Variants in CCNJL observed in about 807,000 individuals in gnomAD.
CCNJL encodes cyclin-J-like protein.
Under a neutral mutation model 33.4 loss-of-function variants are expected in CCNJL, and 33 were observed. That is an observed-to-expected ratio of 0.99 (90% CI 0.75 to 1.32). CCNJL has a LOEUF of 1.32. CCNJL is among the 40% of genes most tolerant of loss of function. CCNJL has a pLI of 0.00. For missense variants in CCNJL, 512 were observed against 499.7 expected, an observed-to-expected ratio of 1.02 and a Z score of -0.23; for synonymous variants, 227 against 220.9, an observed-to-expected ratio of 1.03 and a Z score of -0.24.
intron 3 of CCNJL, among the ~76,000 whole-genome samples, chr5:160,279,738 A>T (rs544976761): frequency 1.4e-4 from 21 of 152,344 alleles, no homozygotes; most frequent in African/African-American, 5.1e-4. Flanking sequence ...GGGCTTGGCC[A>T]GTGTGGCTGG....
At chr5:160,295,502 A>G (rs867870511) in intron 2 of CCNJL, among the ~76,000 whole-genome samples, 4 of 152,170 alleles carry the variant, frequency 2.6e-5, no homozygotes, top group South Asian at 2.1e-4. Context: ...AAATAAATAA[A>G]TAAGAAAATA....
At chr5:160,303,563 G>A (rs1762992510) in intron 2 of CCNJL, among the ~76,000 whole-genome samples, 2 of 151,380 alleles carry the variant, frequency 1.3e-5, no homozygotes, top group Admixed American at 1.3e-4. Flanking sequence ...GTATTGTGAT[G>A]ACACACACAG....
In CCNJL at chr5:160,253,549, G is replaced by A. The variant is rs1171351861; in HGVS notation, c.993C>T (p.His331=). Residue 331 remains histidine, a synonymous_variant, in exon 6 of 6, where the codon CAC becomes CAT. Coordinates refer to ENST00000257536, the MANE Select transcript of CCNJL (RefSeq NM_001308173.3). ...LLSGSTGSSL[H]TPYQPLQPLD... ...AGGGCTGCAGCGGTTGGTACGGGGT[G>A]TGGAGGGATGAGCCTGTACTCCCCG... The A allele has an allele frequency of 1.2e-6, 2 of 1,614,208 alleles. No homozygotes were observed. The highest frequency in any genetic ancestry group is 1.7e-6 in the Non-Finnish European group (2 of 1,180,022).
At chr5:160,293,184 C>T (rs907767742) in intron 2 of CCNJL, among the ~76,000 whole-genome samples, 1 of 152,126 alleles carries the variant, frequency 6.6e-6, no homozygotes, top group African/African-American at 2.4e-5. Flanking sequence ...TTTGGGAGGC[C>T]GAGGCAGGCA....
chr5:160,316,595 G>T (rs1466748429), upstream of CCNJL, among the ~76,000 whole-genome samples: 1 of 152,188 alleles, frequency 6.6e-6, no homozygotes, highest in African/African-American at 2.4e-5. Flanking sequence ...CCCAGGCCTT[G>T]TTCTCCTCCT....
At chr5:160,325,508 A>T (rs569253330) in intron 1 of CCNJL, among the ~76,000 whole-genome samples, 8 of 152,278 alleles carry the variant, frequency 5.3e-5, no homozygotes, top group African/African-American at 1.7e-4. Flanking sequence ...CTAACTGTTA[A>T]ATCCCAGCTG....
intron 1 of CCNJL, among the ~76,000 whole-genome samples, chr5:160,327,156 G>T (rs1763548168): frequency 6.6e-6 from 1 of 151,784 alleles, no homozygotes; most frequent in Non-Finnish European, 1.5e-5. Flanking sequence ...AAGTCAGATT[G>T]CCTGGACTCA....
At chr5:160,326,060 T>A (rs1260161497) in intron 1 of CCNJL, among the ~76,000 whole-genome samples, 1 of 152,198 alleles carries the variant, frequency 6.6e-6, no homozygotes, top group African/African-American at 2.4e-5. Context: ...CAGGACCTCT[T>A]CCTACTCCAT....
At chr5:160,258,197 G>A in intron 4 of CCNJL, 1 of 541,112 alleles carries the variant, frequency 1.8e-6, no homozygotes, top group Non-Finnish European at 3.4e-6. Context: ...TAGGTTATGG[G>A]ATGGTTGTAT....
At chr5:160,303,344 T>A (rs1204069098) in intron 2 of CCNJL, among the ~76,000 whole-genome samples, 2 of 152,120 alleles carry the variant, frequency 1.3e-5, no homozygotes, top group Non-Finnish European at 2.9e-5. Context: ...TAGCTGGGAT[T>A]ACAGGCACTC....
chr5:160,306,285 A>G (rs1763095584), intron 2 of CCNJL, among the ~76,000 whole-genome samples: 1 of 151,712 alleles, frequency 6.6e-6, no homozygotes, highest in African/African-American at 2.4e-5. Flanking sequence ...AAAAAAAAAA[A>G]AAAAAAAGCG....
intron 3 of CCNJL, among the ~76,000 whole-genome samples, chr5:160,270,606 C>T (rs1761797679): frequency 6.6e-6 from 1 of 152,134 alleles, no homozygotes; most frequent in Non-Finnish European, 1.5e-5. Flanking sequence ...AACAAACACT[C>T]AATAAACATT....
intron 1 of CCNJL, among the ~76,000 whole-genome samples, chr5:160,332,767 C>A (rs541849033): frequency 2.0e-4 from 30 of 152,252 alleles, no homozygotes; most frequent in African/African-American, 7.0e-4. Context: ...AACTACTGAC[C>A]CTTCCATATG....
intron 4 of CCNJL, chr5:160,258,403 C>T: frequency 6.0e-6 from 5 of 838,006 alleles, no homozygotes; most frequent in Middle Eastern, 7.1e-4. Context: ...CATAAGAAGG[C>T]TTCCTGAGAA....
chr5:160,304,530 A>G (rs532360654), intron 2 of CCNJL, among the ~76,000 whole-genome samples: 12 of 151,292 alleles, frequency 7.9e-5, no homozygotes, highest in Non-Finnish European at 1.5e-4. Flanking sequence ...TGCAAACATA[A>G]GATAGCCCTG....
At chr5:160,284,268 C>T (rs1055173288) in intron 2 of CCNJL, among the ~76,000 whole-genome samples, 2 of 152,122 alleles carry the variant, frequency 1.3e-5, no homozygotes, top group African/African-American at 4.8e-5. Context: ...GCAAGGATCA[C>T]TTGAGCACAG....
At chr5:160,317,849 C>CTT (rs1164249228), upstream of CCNJL, among the ~76,000 whole-genome samples, 3 of 152,128 alleles carry the variant, frequency 2.0e-5, no homozygotes, top group African/African-American at 7.2e-5. Flanking sequence ...TCTGAAAACT[C>CTT]TAAGGAAAAA....
At chr5:160,339,428 C>T (rs575075452) in intron 1 of CCNJL, 94 of 435,380 alleles carry the variant, frequency 2.2e-4, no homozygotes, top group South Asian at 1.5e-3. Context: ...AATTTAAATA[C>T]ATTAAGATTT....
Position 160,249,753 on chromosome 5 carries a change from A to C in CCNJL, c.*3625T>G, listed in dbSNP as rs1418691677. 1 of 150,356 alleles carries C rather than the reference A, an allele frequency of 6.7e-6. No homozygotes were observed. The highest frequency in any genetic ancestry group is 6.7e-5 in the Admixed American group (1 of 14,984). 9.3% of individuals were successfully genotyped at this position (150,356 alleles called of 1,614,324 possible). ...ACTCTAGCCTGGGCCACAGAGTGAG[A>C]CCCTGTTTCAAAAAATAAATAAATA... On this transcript the variant is annotated 3_prime_UTR_variant, in exon 6 of 6. Coordinates refer to ENST00000257536, the MANE Select transcript of CCNJL (RefSeq NM_001308173.3).
Sources: gnomAD v4.1 joint callset for allele counts (sites outside exome capture counted in the v4.1 genomes callset) on GRCh38, gnomAD v4.1.1 for gene constraint, MANE v1.5 for transcripts, NCBI Gene and HGNC (gene_info 2026-07-23, HGNC 2026-07-21) for gene names.